Variants in CCDC66 observed in about 807,000 individuals in gnomAD.
The protein encoded by CCDC66 is coiled-coil domain containing 66.
In CCDC66, 133 loss-of-function variants were observed where a neutral mutation model predicts 128.3. That is an observed-to-expected ratio of 1.04 (90% CI 0.90 to 1.20). The LOEUF is 1.20. Among genes scored for constraint, CCDC66 ranks in the 50% most tolerant of loss-of-function variants. The pLI is 0.00. For synonymous variants in CCDC66, 387 were observed against 357.0 expected, an observed-to-expected ratio of 1.08 and a Z score of -0.95; for missense variants, 1,126 against 1,075.5, an observed-to-expected ratio of 1.05 and a Z score of -0.66.
chr3:56,565,398 C>T (rs966116782), intron 4 of CCDC66, among the ~76,000 whole-genome samples: 30 of 150,830 alleles, frequency 2.0e-4, no homozygotes, highest in African/African-American at 6.8e-4. Flanking sequence ...CTCAGCCTCC[C>T]GAGTAGCTGG....
chr3:56,574,361 C>CAA (rs59285810), intron 7 of CCDC66, among the ~76,000 whole-genome samples: 48,774 of 126,114 alleles, frequency 0.39, 9,444 homozygotes, highest in East Asian at 0.55. Context: ...GACTCTGTCT[C>CAA]AAAAAAAAAA....
chr3:56,579,031 G>A (rs566625093), intron 7 of CCDC66, among the ~76,000 whole-genome samples: 5 of 151,732 alleles, frequency 3.3e-5, no homozygotes, highest in East Asian at 4.0e-4. Context: ...CTGTGAATCC[G>A]TTTGGTCCTG....
At chr3:56,619,948 G>T in intron 17 of CCDC66, 47 bp downstream of exon 17, 1 of 1,581,608 alleles carries the variant, frequency 6.3e-7, no homozygotes, top group South Asian at 1.2e-5. Flanking sequence ...TATGTGGCGT[G>T]GGCGGTTGGG....
At chr3:56,611,237 C>T (rs1295203952) in intron 10 of CCDC66, among the ~76,000 whole-genome samples, 1 of 151,970 alleles carries the variant, frequency 6.6e-6, no homozygotes, top group Non-Finnish European at 1.5e-5. Context: ...TTGGGTGGGT[C>T]TTGCTGTGGC....
chr3:56,564,968 A>G (rs1033997126), intron 4 of CCDC66, among the ~76,000 whole-genome samples: 3 of 152,230 alleles, frequency 2.0e-5, no homozygotes, highest in African/African-American at 7.2e-5. Flanking sequence ...CTTATTAGGC[A>G]TAACGAGAAA....
intron 12 of CCDC66, 150 bp from the exon 13 acceptor site, chr3:56,615,772 C>T: frequency 7.9e-6 from 4 of 509,320 alleles, no homozygotes; most frequent in Non-Finnish European, 3.3e-6. Context: ...AATTCAGTAA[C>T]TGATAGGAAT....
chr3:56,614,857 TG>T (rs1273741711), intron 11 of CCDC66, among the ~76,000 whole-genome samples: 1 of 152,332 alleles, frequency 6.6e-6, no homozygotes, highest in East Asian at 1.9e-4. Context: ...TATTTTTAAA[TG>T]TAATAAAAGT....
At chr3:56,617,774 T>C in intron 14 of CCDC66, 169 bp downstream of exon 14, 1 of 712,056 alleles carries the variant, frequency 1.4e-6, no homozygotes, top group Admixed American at 3.2e-5. Flanking sequence ...TGGAAAGTTT[T>C]ATACGAACAT....
Position 56,621,830 on chromosome 3 carries a change from A to T in CCDC66, c.*212A>T. 3.6e-6 allele frequency: 1 copy of T among 277,530 alleles called. No homozygotes were observed. Among genetic ancestry groups the T allele is most frequent in the Non-Finnish European group, 6.7e-6 (1 of 150,328 alleles). 17.2% of individuals were successfully genotyped at this position (277,530 alleles called of 1,614,324 possible). The stretch of plus-strand genomic sequence containing the variant: ...AAAAGCTTAGTAGTAAAAAAAAAAA[A>T]AAAAAAACCGGTTCTTCTGCTCTGT... On this transcript the variant is annotated 3_prime_UTR_variant, in exon 18 of 18. Coordinates refer to ENST00000394672, the MANE Select transcript of CCDC66 (RefSeq NM_001141947.3).
intron 6 of CCDC66, chr3:56,570,066 C>T (rs1159387270): frequency 2.0e-5 from 3 of 152,226 alleles, no homozygotes; most frequent in African/African-American, 7.2e-5. Context: ...AAACTCCTAA[C>T]CTCAGGTGAT....
At chr3:56,560,364 C>A (rs150534254) in intron 3 of CCDC66, among the ~76,000 whole-genome samples, 169 of 152,248 alleles carry the variant, frequency 1.1e-3, no homozygotes, top group African/African-American at 3.8e-3. Flanking sequence ...AGCCACCATG[C>A]CCAGCTAATT....
intron 10 of CCDC66, among the ~76,000 whole-genome samples, chr3:56,610,354 A>C (rs571990609): frequency 6.6e-6 from 1 of 151,882 alleles, no homozygotes; most frequent in South Asian, 2.1e-4. Context: ...TCCTTGTTCA[A>C]TTCTGTTGCT....
Position 56,564,262 on chromosome 3 carries a change from T to G in CCDC66, c.544+137T>G, listed in dbSNP as rs1347411863. On this transcript the variant is annotated intron_variant, in intron 4 of 17. Coordinates refer to ENST00000394672, the MANE Select transcript of CCDC66 (RefSeq NM_001141947.3). ...TCAATCTATTAAAATAATTGTTCTTTTAGAGGACTTTCTCTAATATGCAAA... is the reference window on the plus strand; with the variant it reads ...TCAATCTATTAAAATAATTGTTCTTGTAGAGGACTTTCTCTAATATGCAAA... 4.7e-6 allele frequency: 3 copies of G among 638,650 alleles called. No individual in the cohort carries two copies. The African/African-American group carries it at 6.2e-5, about 13-fold the overall frequency. 39.6% of individuals were successfully genotyped at this position (638,650 alleles called of 1,614,324 possible).
intron 6 of CCDC66, chr3:56,569,647 G>A (rs13097030): frequency 0.32 from 48,295 of 151,202 alleles, 8,091 homozygotes; most frequent in East Asian, 0.49. Context: ...GGTAAAAGAA[G>A]AATGAAGAGA....
intron 10 of CCDC66, among the ~76,000 whole-genome samples, chr3:56,596,036 T>TTA (rs1037746783): frequency 6.6e-6 from 1 of 152,150 alleles, no homozygotes; most frequent in Non-Finnish European, 1.5e-5. Flanking sequence ...TGCCCGAGCC[T>TTA]CCCCAGTAGC....
intron 10 of CCDC66, among the ~76,000 whole-genome samples, chr3:56,612,176 G>A (rs1014368995): frequency 7.9e-5 from 12 of 152,150 alleles, no homozygotes; most frequent in African/African-American, 2.7e-4. Context: ...CACTTCTTCC[G>A]ATTTTTTGAA....
intron 4 of CCDC66, 45 bp from the exon 5 acceptor site, chr3:56,566,549 G>A: frequency 8.0e-7 from 1 of 1,247,634 alleles, no homozygotes; most frequent in Admixed American, 1.8e-5. Context: ...TATTATAACA[G>A]ATGTAATTTA....
intron 7 of CCDC66, among the ~76,000 whole-genome samples, chr3:56,579,499 A>G (rs1170229851): frequency 1.9e-4 from 29 of 151,430 alleles, no homozygotes; most frequent in African/African-American, 5.6e-4. Flanking sequence ...TAATTGTGAT[A>G]TTAGGGTGTC....
intron 4 of CCDC66, 66 bp from the exon 5 acceptor site, chr3:56,566,528 A>G: frequency 9.5e-7 from 1 of 1,051,742 alleles, no homozygotes; most frequent in Non-Finnish European, 1.4e-6. Context: ...ACTGTATAGC[A>G]CTATGCCAAG....
Sources: allele counts gnomAD v4.1 joint callset (sites outside exome capture counted in the v4.1 genomes callset), GRCh38; gene constraint gnomAD v4.1.1; transcripts MANE v1.5; gene names NCBI Gene and HGNC (gene_info 2026-07-23, HGNC 2026-07-21).